The following INSR variants were observed in gnomAD, a reference collection of about 807,000 sequenced individuals.
INSR encodes insulin receptor.
In INSR, 67 loss-of-function variants were observed where a neutral mutation model predicts 142.6. The ratio of observed to expected loss-of-function variants is 0.47; its 90% confidence interval spans 0.39 to 0.58. The LOEUF (loss-of-function observed/expected upper bound fraction) is 0.58, where lower values mean the gene tolerates loss of function less well. Ranked by LOEUF, INSR falls within the 20% of genes least tolerant of loss-of-function variation. The probability of loss-of-function intolerance (pLI) is 0.00; values close to 1 mark genes in which losing one functional copy is unlikely to be tolerated. For missense variants in INSR, 1,248 were observed against 1,833.2 expected (o/e 0.68, Z 5.83); for synonymous variants, 756 against 743.1 (o/e 1.02, Z -0.28).
chr19:7,183,300 T>C (rs903820853), intron 3 of INSR, among the ~76,000 whole-genome samples: 9 of 120,150 alleles, frequency 7.5e-5, no homozygotes, highest in Non-Finnish European at 1.1e-4. Context: ...GTGTGTGTGT[T>C]TTAAAACAAA....
intron 11 of INSR, among the ~76,000 whole-genome samples, chr19:7,143,326 C>T (rs958317962): frequency 3.3e-5 from 5 of 152,164 alleles, no homozygotes. Flanking sequence ...GGGATGAGTG[C>T]TTCTAAGACC....
intron 9 of INSR, 106 bp from the exon 10 acceptor site, chr19:7,153,033 CACACACACCACACACCCCCCCACACA>C (rs1973430337): frequency 4.1e-6 from 2 of 491,214 alleles, no homozygotes; most frequent in African/African-American, 3.6e-5. Flanking sequence ...ACACCACACA[CACACACACCACACACCCCCCCACACA>C]CACACACCAC....
intron 2 of INSR, among the ~76,000 whole-genome samples, chr19:7,260,195 C>T (rs902947418): frequency 7.2e-5 from 11 of 152,114 alleles, no homozygotes; most frequent in East Asian, 1.9e-4. Flanking sequence ...GACTTTGACT[C>T]GGAGCTGTAA....
chr19:7,208,861 G>A (rs1189760280), intron 2 of INSR, among the ~76,000 whole-genome samples: 1 of 152,178 alleles, frequency 6.6e-6, no homozygotes, highest in Non-Finnish European at 1.5e-5. Flanking sequence ...AAATTAGCTG[G>A]GCATGGTGGC....
intron 13 of INSR, among the ~76,000 whole-genome samples, chr19:7,133,351 T>C (rs182803147): frequency 1.1e-3 from 169 of 152,318 alleles, no homozygotes; most frequent in African/African-American, 3.9e-3. Context: ...TGTGGAATGA[T>C]TAAAACAAGC....
intron 2 of INSR, among the ~76,000 whole-genome samples, chr19:7,195,904 T>C (rs1215346833): frequency 6.6e-6 from 1 of 150,746 alleles, no homozygotes; most frequent in Non-Finnish European, 1.5e-5. Context: ...ACCATCATTA[T>C]GTAAGAGAAC....
At chr19:7,167,862 G>A in intron 7 of INSR, 106 bp downstream of exon 7, 3 of 1,343,030 alleles carry the variant, frequency 2.2e-6, no homozygotes, top group Non-Finnish European at 3.2e-6. Flanking sequence ...AGGAGGAGGA[G>A]GGAGATAGAC....
intron 19 of INSR, among the ~76,000 whole-genome samples, chr19:7,121,025 C>T (rs193113845): frequency 2.0e-5 from 3 of 151,888 alleles, no homozygotes; most frequent in African/African-American, 7.3e-5. Context: ...TGATATGGAG[C>T]CTCACTCTGT....
chr19:7,244,543 A>G (rs1480839609), intron 2 of INSR, among the ~76,000 whole-genome samples: 1 of 151,940 alleles, frequency 6.6e-6, no homozygotes, highest in Non-Finnish European at 1.5e-5. Flanking sequence ...AAAAAGAAAA[A>G]AAAAGATTTG....
chr19:7,125,280 C>G lies in INSR; in HGVS notation c.3258+3G>C. 1 of 1,614,006 alleles carries G rather than the reference C, an allele frequency of 6.2e-7. No homozygotes were observed. Among genetic ancestry groups the G allele is most frequent in the Non-Finnish European group, 8.5e-7 (1 of 1,180,010 alleles). ...GCCCATGTCCCACCCCCACTGGACT[C>G]ACCACGTGATGGCAGGTGAAGCCCT... On this transcript the variant is annotated splice_donor_region_variant and intron_variant, in intron 17 of 21. Coordinates refer to ENST00000302850, the MANE Select transcript of INSR (RefSeq NM_000208.4). This position sits in a 1 kb window ranked among gnomAD's most constrained non-coding sequence, Gnocchi z 4.9.
chr19:7,185,223 T>C (rs777909635), intron 2 of INSR, among the ~76,000 whole-genome samples: 10 of 152,178 alleles, frequency 6.6e-5, no homozygotes, highest in Non-Finnish European at 1.0e-4. Context: ...TGTAGGTTTA[T>C]GTAATTTTTA....
chr19:7,213,508 C>T (rs542940610), intron 2 of INSR, among the ~76,000 whole-genome samples: 3 of 152,248 alleles, frequency 2.0e-5, no homozygotes, highest in Non-Finnish European at 4.4e-5. Context: ...ATTTATCAAG[C>T]CAAACAGCAT....
intron 11 of INSR, among the ~76,000 whole-genome samples, chr19:7,148,890 G>C (rs932805362): frequency 7.3e-5 from 11 of 149,662 alleles, no homozygotes; most frequent in African/African-American, 2.7e-4. Flanking sequence ...CGCGTCCCAG[G>C]TTCACGCCAT....
intron 2 of INSR, among the ~76,000 whole-genome samples, chr19:7,251,402 A>T (rs974731898): frequency 1.3e-5 from 2 of 151,858 alleles, no homozygotes; most frequent in African/African-American, 4.8e-5. Flanking sequence ...GACTACAGGC[A>T]TGCACCACCA....
chr19:7,260,496 G>A (rs1433521534), intron 2 of INSR, among the ~76,000 whole-genome samples: 1 of 152,168 alleles, frequency 6.6e-6, no homozygotes, highest in East Asian at 1.9e-4. Flanking sequence ...AAAAATCAGG[G>A]TGGTCTTCCC....
chr19:7,286,777 G>A (rs577100756), intron 1 of INSR, among the ~76,000 whole-genome samples: 13 of 151,254 alleles, frequency 8.6e-5, no homozygotes, highest in Middle Eastern at 3.2e-3. Context: ...TGCATTACCC[G>A]TCACTATTTA....
chr19:7,115,012 C>T lies in INSR; in HGVS notation c.*2044G>A, dbSNP rs1057362653. ...CTTGTACCCAATCACTGAGGCTCCT[C>T]AGCAATATTTTTACATGCTGTATTT... On this transcript the variant is annotated 3_prime_UTR_variant, in exon 22 of 22. Coordinates refer to ENST00000302850, the MANE Select transcript of INSR (RefSeq NM_000208.4). 2 of 152,180 alleles carry T rather than the reference C, an allele frequency of 1.3e-5. No individual in the cohort carries two copies. Among genetic ancestry groups the T allele is most frequent in the African/African-American group, 4.8e-5 (2 of 41,520 alleles). 9.4% of individuals were successfully genotyped at this position (152,180 alleles called of 1,614,324 possible). A position where few individuals can be genotyped will look rare whatever the true frequency, so the allele number is the denominator to read the frequency against.
chr19:7,179,936 G>T (rs1251300791), intron 3 of INSR, among the ~76,000 whole-genome samples: 1 of 152,152 alleles, frequency 6.6e-6, no homozygotes, highest in Non-Finnish European at 1.5e-5. Context: ...ATTTGCAAAC[G>T]TGATACAAGC....
intron 10 of INSR, chr19:7,152,200 A>G (rs2115070): frequency 0.75 from 157,404 of 210,122 alleles, 62,392 homozygotes; most frequent in Non-Finnish European, 0.88. Flanking sequence ...AGACCAGCCT[A>G]GCCAACATGG....
Sources: gnomAD v4.1 joint callset for allele counts (sites outside exome capture counted in the v4.1 genomes callset) on GRCh38, gnomAD v4.1.1 for gene constraint, Gnocchi (gnomAD v3.1) non-coding constraint, MANE v1.5 for transcripts, NCBI Gene and HGNC (gene_info 2026-07-23, HGNC 2026-07-21) for gene names.